Variants in MTF1 observed in about 807,000 individuals in gnomAD.
MTF1 encodes the protein metal regulatory transcription factor 1.
A neutral mutation model predicts 70.4 loss-of-function variants in MTF1; 22 were observed. The ratio of observed to expected loss-of-function variants is 0.31; its 90% CI spans 0.22 to 0.45. The LOEUF is 0.45. MTF1 is among the 20% of genes least tolerant of loss of function. The probability of loss-of-function intolerance (pLI) is 1.00; values close to 1 mark genes in which losing one functional copy is unlikely to be tolerated. For missense variants in MTF1, 649 were observed against 922.0 expected, an observed-to-expected ratio of 0.70 and a Z score of 3.83; for synonymous variants, 333 against 352.8, an observed-to-expected ratio of 0.94 and a Z score of 0.63.
At chr1:37,835,512 C>G (rs1641154675) in intron 5 of MTF1, among the ~76,000 whole-genome samples, 159 bp downstream of exon 5, 1 of 152,090 alleles carries the variant, frequency 6.6e-6, no homozygotes, top group South Asian at 2.1e-4. Context: ...TGAGGTCCGC[C>G]TCTGAAAGAA....
intron 6 of MTF1, among the ~76,000 whole-genome samples, chr1:37,834,438 T>G (rs1363296330): frequency 6.6e-6 from 1 of 151,968 alleles, no homozygotes; most frequent in Non-Finnish European, 1.5e-5. Context: ...AGGGAAAGAC[T>G]GCTTGGACCT....
At chr1:37,845,080 G>C (rs1222087675) in intron 2 of MTF1, among the ~76,000 whole-genome samples, 2 of 152,212 alleles carry the variant, frequency 1.3e-5, no homozygotes, top group Admixed American at 1.3e-4. Flanking sequence ...TGAGAGCAAG[G>C]ACTACGTTTA....
chr1:37,843,855 T>C (rs1469638673), intron 2 of MTF1, among the ~76,000 whole-genome samples: 1 of 147,306 alleles, frequency 6.8e-6, no homozygotes, highest in Non-Finnish European at 1.5e-5. Context: ...TCCTCCTGTC[T>C]CCCCTCCCAC....
intron 8 of MTF1, among the ~76,000 whole-genome samples, chr1:37,823,044 A>G (rs1012256278): frequency 2.0e-5 from 3 of 152,212 alleles, no homozygotes; most frequent in Admixed American, 2.0e-4. Flanking sequence ...GGGAAGTTTT[A>G]CAGACAAATT....
chr1:37,849,550 T>C (rs1641383194), intron 2 of MTF1, among the ~76,000 whole-genome samples: 1 of 151,772 alleles, frequency 6.6e-6, no homozygotes, highest in African/African-American at 2.4e-5. Context: ...ATTCCTAGGG[T>C]TTTTTCATGC....
chr1:37,855,215 A>C (rs1483052279), intron 2 of MTF1, among the ~76,000 whole-genome samples: 2 of 152,226 alleles, frequency 1.3e-5, no homozygotes, highest in Non-Finnish European at 2.9e-5. Context: ...TGATCTTCAA[A>C]TAGCTGATGG....
At chr1:37,834,766 GAAA>G in intron 6 of MTF1, 1 of 510,848 alleles carries the variant, frequency 2.0e-6, no homozygotes, top group Non-Finnish European at 3.7e-6. Flanking sequence ...GAGTGTGAGG[GAAA>G]AAAGAGTCAA....
At chr1:37,826,655 T>C (rs1444516296) in intron 7 of MTF1, 1 of 434,072 alleles carries the variant, frequency 2.3e-6, no homozygotes, top group African/African-American at 2.1e-5. Context: ...TCAGTGATCC[T>C]GATTGCCAAT....
intron 2 of MTF1, among the ~76,000 whole-genome samples, chr1:37,844,651 G>A (rs1641306976): frequency 1.3e-5 from 2 of 152,192 alleles, no homozygotes; most frequent in South Asian, 4.1e-4. Flanking sequence ...CAACAATGCT[G>A]AATGATAAGA....
intron 7 of MTF1, among the ~76,000 whole-genome samples, chr1:37,824,359 A>T (rs1436821331): frequency 6.6e-6 from 1 of 152,244 alleles, no homozygotes; most frequent in African/African-American, 2.4e-5. Flanking sequence ...TACCAAAAAA[A>T]ACCTTGCTGA....
At chr1:37,817,882 T>C (rs1472333038) in intron 9 of MTF1, among the ~76,000 whole-genome samples, 3 of 152,198 alleles carry the variant, frequency 2.0e-5, no homozygotes, top group Non-Finnish European at 2.9e-5. Flanking sequence ...AAGTTCTTTT[T>C]TTCCCCCTCA....
intron 2 of MTF1, among the ~76,000 whole-genome samples, chr1:37,854,661 T>A (rs1295164878): frequency 6.6e-6 from 1 of 152,208 alleles, no homozygotes; most frequent in Non-Finnish European, 1.5e-5. Flanking sequence ...AAATGTAGAC[T>A]ATATAGTAAT....
chr1:37,834,143 G>A (rs1376441605), intron 6 of MTF1, among the ~76,000 whole-genome samples: 1 of 152,114 alleles, frequency 6.6e-6, no homozygotes, highest in Non-Finnish European at 1.5e-5. Flanking sequence ...AGCCAGGGAG[G>A]TGGAGGTCAC....
At chr1:37,816,911 G>C (rs776436860) in intron 10 of MTF1, among the ~76,000 whole-genome samples, 3 of 152,092 alleles carry the variant, frequency 2.0e-5, no homozygotes, top group Non-Finnish European at 2.9e-5. Context: ...GTGGGAACGG[G>C]GAGGCCTGAC....
chr1:37,852,576 C>T (rs1641432475), intron 2 of MTF1, among the ~76,000 whole-genome samples: 2 of 152,212 alleles, frequency 1.3e-5, no homozygotes, highest in East Asian at 3.9e-4. Flanking sequence ...TAAGACACAG[C>T]AGAAACTCAA....
chr1:37,813,178 G>A lies in MTF1; in HGVS notation c.*1958C>T. 1 of 152,386 alleles carries A rather than the reference G, an allele frequency of 6.6e-6. No homozygotes were observed. The highest frequency in any genetic ancestry group is 1.5e-5 in the Non-Finnish European group (1 of 68,092). The allele number at this position is 152,386 out of a possible 1,614,324, so 9.4% of individuals were successfully genotyped here. A position where few individuals can be genotyped will look rare whatever the true frequency, so the allele number is the denominator to read the frequency against. On this transcript the variant is annotated 3_prime_UTR_variant, in exon 11 of 11. Transcript: ENST00000373036. ...GCCTGTAATCCCAGCTACTCGGGAG[G>A]CTGAGGCAGAATTGCTTGAACCTGG...
intron 2 of MTF1, among the ~76,000 whole-genome samples, chr1:37,847,271 TAG>T (rs1641347519): frequency 6.6e-6 from 1 of 152,204 alleles, no homozygotes; most frequent in African/African-American, 2.4e-5. Flanking sequence ...TGTGTGATGG[TAG>T]AAAGCATAGG....
At position 37,840,628 on chromosome 1, in the gene MTF1, C is replaced by T. The variant is rs144338799; in HGVS notation, c.409-470G>A. 2 of 385,156 alleles carry T rather than the reference C, an allele frequency of 5.2e-6. No individual in the cohort carries two copies. Among genetic ancestry groups the T allele is most frequent in the African/African-American group, 2.1e-5 (1 of 47,312 alleles). The allele number at this position is 385,156 out of a possible 1,614,324, so 23.9% of individuals were successfully genotyped here. ...AACATATTTCCCTAGATTGTTTCCA[C>T]TGCATATTTTCAAGCCTACAAAATG... On this transcript the variant is annotated intron_variant, in intron 2 of 10. Coordinates refer to ENST00000373036, the MANE Select transcript of MTF1 (RefSeq NM_005955.3). This position sits in a 1 kb window ranked among gnomAD's most constrained non-coding sequence, Gnocchi z 4.5.
intron 2 of MTF1, chr1:37,841,626 G>C (rs887175151): frequency 8.6e-5 from 15 of 173,604 alleles, no homozygotes; most frequent in African/African-American, 3.5e-4. Flanking sequence ...ACCTCATCAA[G>C]ACCCACACCA....
Sources: allele counts gnomAD v4.1 joint callset (sites outside exome capture counted in the v4.1 genomes callset), GRCh38; gene constraint gnomAD v4.1.1; non-coding constraint Gnocchi (gnomAD v3.1); transcripts MANE v1.5; gene names NCBI Gene and HGNC (gene_info 2026-07-23, HGNC 2026-07-21).